The following SBF2 variants were observed in gnomAD, a reference collection of about 807,000 sequenced individuals.
The protein encoded by SBF2 is SET binding factor 2.
In SBF2, 112 loss-of-function variants were observed where a neutral mutation model predicts 225.2. That is an observed-to-expected ratio of 0.50 (90% CI 0.43 to 0.58). The LOEUF is 0.58. SBF2 is among the 20% of genes least tolerant of loss of function. The pLI, the probability that SBF2 is intolerant of heterozygous loss-of-function variation, is 0.00. For synonymous variants in SBF2, 763 were observed against 773.3 expected (o/e 0.99, Z 0.22); for missense variants, 1,996 against 2,206.2 (o/e 0.90, Z 1.91).
intron 13 of SBF2, among the ~76,000 whole-genome samples, chr11:9,984,522 G>C (rs1421191565): frequency 1.3e-5 from 2 of 152,070 alleles, no homozygotes; most frequent in East Asian, 1.9e-4. Flanking sequence ...GAATAATTGA[G>C]GAAAACATCC....
At chr11:9,997,506 C>T (rs1011914074) in intron 9 of SBF2, among the ~76,000 whole-genome samples, 6 of 152,070 alleles carry the variant, frequency 3.9e-5, no homozygotes, top group Non-Finnish European at 5.9e-5. Context: ...GGGCCGGGCG[C>T]GGTGGCTCAC....
intron 1 of SBF2, among the ~76,000 whole-genome samples, chr11:10,231,976 G>A (rs1173522632): frequency 3.9e-5 from 6 of 152,188 alleles, no homozygotes; most frequent in African/African-American, 1.2e-4. Context: ...CTTCCCGGCC[G>A]CTTTGTTTAC....
At chr11:9,828,792 T>C (rs558545046) in intron 28 of SBF2, among the ~76,000 whole-genome samples, 1 of 152,368 alleles carries the variant, frequency 6.6e-6, no homozygotes, top group African/African-American at 2.4e-5. Flanking sequence ...TCCACTTACA[T>C]ATTCCATGTC....
chr11:10,084,366 A>T (rs1375882360), intron 2 of SBF2, among the ~76,000 whole-genome samples: 1 of 152,212 alleles, frequency 6.6e-6, no homozygotes, highest in Non-Finnish European at 1.5e-5. Flanking sequence ...ATACAAGATA[A>T]AACCACAATG....
chr11:10,065,473 G>T (rs1001355262), intron 2 of SBF2, among the ~76,000 whole-genome samples: 1 of 151,982 alleles, frequency 6.6e-6, no homozygotes, highest in East Asian at 1.9e-4. Context: ...GCAAAAGTTT[G>T]TTCTTTGAGA....
chr11:10,251,874 T>C (rs576977830), intron 1 of SBF2, among the ~76,000 whole-genome samples: 1 of 152,258 alleles, frequency 6.6e-6, no homozygotes, highest in East Asian at 1.9e-4. Context: ...AGAGTGGCAC[T>C]AAGGTCCTAG....
intron 17 of SBF2, among the ~76,000 whole-genome samples, chr11:9,867,110 A>G (rs963657519): frequency 5.9e-5 from 9 of 152,208 alleles, no homozygotes; most frequent in Admixed American, 2.6e-4. Context: ...GTACATTTAA[A>G]AATAACTAAA....
In SBF2 at chr11:9,872,734, G is replaced by T. The variant is rs377274659; in HGVS notation, c.1930-14338C>A. Among the ~76,000 whole-genome samples, 4 of 152,150 alleles carry T rather than the reference G, an allele frequency of 2.6e-5. No individual in the cohort carries two copies. The East Asian group carries it at 7.7e-4, about 29-fold the overall frequency. On this transcript the variant is annotated intron_variant, in intron 17 of 39. Coordinates refer to ENST00000256190, the MANE Select transcript of SBF2 (RefSeq NM_030962.4). ...AGTACTATGGAAAAAATGTATTTTT[G>T]GCTGGGTGCAATGGCTCACATCTGT... is the stretch of plus-strand genomic sequence containing the variant.
At chr11:9,838,266 T>C (rs1225867969) in intron 26 of SBF2, 2 of 152,110 alleles carry the variant, frequency 1.3e-5, no homozygotes, top group Non-Finnish European at 1.5e-5. Context: ...TTAATGGATA[T>C]ATATTACTTT....
intron 6 of SBF2, among the ~76,000 whole-genome samples, chr11:10,023,436 G>A (rs1948932815): frequency 6.6e-6 from 1 of 152,110 alleles, no homozygotes. Context: ...GGTTTTTAGT[G>A]TAGTCACGAG....
intron 37 of SBF2, among the ~76,000 whole-genome samples, chr11:9,784,693 A>C (rs1210269971): frequency 1.3e-5 from 2 of 152,248 alleles, no homozygotes; most frequent in Non-Finnish European, 2.9e-5. Flanking sequence ...CTGACATAAC[A>C]CAGAGAGAGG....
chr11:9,947,714 G>T (rs1865644210), intron 16 of SBF2, among the ~76,000 whole-genome samples: 1 of 152,096 alleles, frequency 6.6e-6, no homozygotes, highest in East Asian at 1.9e-4. Context: ...ACTCCCGTTA[G>T]GGAGATGCAA....
chr11:10,172,946 G>T (rs1370162869), intron 2 of SBF2, among the ~76,000 whole-genome samples: 1 of 152,204 alleles, frequency 6.6e-6, no homozygotes, highest in African/African-American at 2.4e-5. Context: ...GGGACTACAG[G>T]CATGAGCCAG....
intron 1 of SBF2, among the ~76,000 whole-genome samples, chr11:10,292,403 C>G (rs567733711): frequency 8.5e-5 from 13 of 152,166 alleles, no homozygotes; most frequent in African/African-American, 3.1e-4. Flanking sequence ...CATTGTTGGC[C>G]GGGCGTGGTG....
At chr11:9,899,385 T>A (rs1444504809) in intron 16 of SBF2, among the ~76,000 whole-genome samples, 3 of 149,392 alleles carry the variant, frequency 2.0e-5, no homozygotes, top group African/African-American at 7.4e-5. Flanking sequence ...ATGCATGTAG[T>A]CCCAGCTACT....
chr11:9,930,791 G>C (rs61876943), intron 16 of SBF2, among the ~76,000 whole-genome samples: 30,215 of 152,194 alleles, frequency 0.2, 3,851 homozygotes, highest in Non-Finnish European at 0.29. Context: ...GAAGCAGCGT[G>C]GGGTGTCACC....
At chr11:10,176,037 C>G (rs1362426883) in intron 2 of SBF2, among the ~76,000 whole-genome samples, 2 of 116,310 alleles carry the variant, frequency 1.7e-5, no homozygotes, top group Admixed American at 8.7e-5. Context: ...ATTTATAGCA[C>G]TAAATGCCCA....
intron 7 of SBF2, among the ~76,000 whole-genome samples, 188 bp from the exon 8 acceptor site, chr11:10,001,210 A>T (rs1387613881): frequency 2.0e-5 from 3 of 152,200 alleles, no homozygotes; most frequent in Non-Finnish European, 4.4e-5. Flanking sequence ...ATACAATCAG[A>T]TATAAGACAT....
chr11:10,221,713 C>T (rs1958345747), intron 1 of SBF2, among the ~76,000 whole-genome samples: 1 of 151,462 alleles, frequency 6.6e-6, no homozygotes, highest in African/African-American at 2.4e-5. Context: ...AGGTATATAC[C>T]AAAATATAAA....
Sources: allele counts gnomAD v4.1 joint callset (sites outside exome capture counted in the v4.1 genomes callset), GRCh38; gene constraint gnomAD v4.1.1; transcripts MANE v1.5; gene names NCBI Gene and HGNC (gene_info 2026-07-23, HGNC 2026-07-21).